The following TTC13 variants were observed in gnomAD, a reference collection of about 807,000 sequenced individuals.
TTC13 encodes the protein tetratricopeptide repeat domain 13.
A neutral mutation model predicts 120.0 loss-of-function variants in TTC13; 62 were observed. That is an observed-to-expected ratio of 0.52 (90% CI 0.42 to 0.64). The LOEUF (loss-of-function observed/expected upper bound fraction) is 0.64. TTC13 is among the 30% of genes least tolerant of loss of function. The pLI, the probability that TTC13 is intolerant of heterozygous loss-of-function variation, is 0.00. For synonymous variants in TTC13, 384 were observed against 393.5 expected (o/e 0.98, Z 0.28); for missense variants, 824 against 1,050.2 (o/e 0.78, Z 2.98).
chr1:230,959,145 G>A (rs533993715), intron 2 of TTC13, among the ~76,000 whole-genome samples: 9 of 152,268 alleles, frequency 5.9e-5, no homozygotes, highest in African/African-American at 2.2e-4. Flanking sequence ...CAAGTAAATT[G>A]CTTAGAGGCA....
Position 230,906,885 on chromosome 1 carries a change from G to A in TTC13, c.*20C>T, listed in dbSNP as rs778076825. 2.3e-6 allele frequency: 3 copies of A among 1,298,388 alleles called. No homozygotes were observed. Among genetic ancestry groups the A allele is most frequent in the South Asian group, 3.2e-5 (2 of 61,786 alleles). 80.4% of individuals were successfully genotyped at this position (1,298,388 alleles called of 1,614,324 possible). A position where few individuals can be genotyped will look rare whatever the true frequency, so the allele number is the denominator to read the frequency against. ...AAGCAAGAGGTCCGGCCCTTTACTT[G>A]TATAAATACAGCAGCAGAACTAGAG... On this transcript the variant is annotated 3_prime_UTR_variant, in exon 23 of 23. Coordinates refer to ENST00000366661, the MANE Select transcript of TTC13 (RefSeq NM_024525.5).
chr1:230,919,185 G>A (rs557766211), intron 17 of TTC13, among the ~76,000 whole-genome samples: 1 of 151,128 alleles, frequency 6.6e-6, no homozygotes, highest in South Asian at 2.1e-4. Flanking sequence ...CTAGCTTTTT[G>A]TTTGTTTGTT....
intron 4 of TTC13, among the ~76,000 whole-genome samples, chr1:230,949,945 G>A (rs995733768): frequency 2.7e-4 from 41 of 152,118 alleles, no homozygotes; most frequent in Admixed American, 2.6e-3. Flanking sequence ...CACCACGCCC[G>A]GCCCAATTTA....
intron 12 of TTC13, among the ~76,000 whole-genome samples, chr1:230,926,396 C>CA (rs1289922163): frequency 6.6e-6 from 1 of 152,070 alleles, no homozygotes; most frequent in Non-Finnish European, 1.5e-5. Context: ...AAAATGCTGC[C>CA]AACCAGGAAA....
At chr1:230,947,289 CA>C (rs1343622891) in intron 4 of TTC13, among the ~76,000 whole-genome samples, 5 of 151,722 alleles carry the variant, frequency 3.3e-5, no homozygotes, top group African/African-American at 9.7e-5. Context: ...ATACAGGTGT[CA>C]GGGGGAAAAG....
At chr1:230,956,103 T>C (rs996841191) in intron 3 of TTC13, among the ~76,000 whole-genome samples, 1 of 152,252 alleles carries the variant, frequency 6.6e-6, no homozygotes, top group Admixed American at 6.5e-5. Flanking sequence ...GGTACAATTA[T>C]TAACCCCATT....
At position 230,942,154 on chromosome 1, in the gene TTC13, G is replaced by T. The variant is rs898507064; in HGVS notation, c.673-1598C>A. Among the ~76,000 whole-genome samples, 3 of 152,114 alleles carry T rather than the reference G, an allele frequency of 2.0e-5. No individual in the cohort carries two copies. The highest frequency in any genetic ancestry group is 7.2e-5 in the African/African-American group (3 of 41,420). ...TAGTTTTTTATTAGATATGCAAATT[G>T]TAAAGACCTGTTAAATAATTCTTAC... On this transcript the variant is annotated intron_variant, in intron 6 of 22. Transcript: ENST00000366661. This position sits in a 1 kb window ranked among gnomAD's most constrained non-coding sequence, Gnocchi z 4.0.
chr1:230,973,929 T>C (rs1678009361), intron 1 of TTC13, among the ~76,000 whole-genome samples: 1 of 151,744 alleles, frequency 6.6e-6, no homozygotes. Context: ...TACAAAAAAT[T>C]AGTCAGGCTT....
chr1:230,916,831 AAG>A (rs1414940914), intron 17 of TTC13, among the ~76,000 whole-genome samples: 2 of 152,230 alleles, frequency 1.3e-5, no homozygotes, highest in African/African-American at 2.4e-5. Flanking sequence ...GTTAAGTTAA[AAG>A]AATTACTCGG....
At position 230,948,196 on chromosome 1, in the gene TTC13, T is replaced by G. The variant is rs137860471; in HGVS notation, c.514-2742A>C. On this transcript the variant is annotated intron_variant, in intron 4 of 22. Coordinates refer to ENST00000366661, the MANE Select transcript of TTC13 (RefSeq NM_024525.5). ...CCAAATCACTGAAATACATTTTACA[T>G]TACAATCCAGTACACACATACACAT... Among the ~76,000 whole-genome samples, 339 of 152,268 alleles carry G rather than the reference T, an allele frequency of 2.2e-3. 3 individuals are homozygous for G. The highest frequency in any genetic ancestry group is 3.9e-3 in the Admixed American group (59 of 15,292).
intron 3 of TTC13, 94 bp from the exon 4 acceptor site, chr1:230,954,497 C>T: frequency 1.1e-6 from 1 of 929,692 alleles, no homozygotes; most frequent in Non-Finnish European, 1.6e-6. Flanking sequence ...CCAAAGGCAG[C>T]TCCAAGCACT....
intron 1 of TTC13, among the ~76,000 whole-genome samples, chr1:230,962,474 A>G (rs1438906624): frequency 6.6e-6 from 1 of 152,210 alleles, no homozygotes; most frequent in Non-Finnish European, 1.5e-5. Flanking sequence ...AGAATGTAGA[A>G]AAATTGGAAC....
chr1:230,976,202 C>T (rs956783368), intron 1 of TTC13, among the ~76,000 whole-genome samples: 2 of 152,148 alleles, frequency 1.3e-5, no homozygotes, highest in African/African-American at 2.4e-5. Flanking sequence ...AAAGCCAAGT[C>T]TGTATGATTC....
intron 4 of TTC13, among the ~76,000 whole-genome samples, chr1:230,954,004 GTGAAC>G (rs762598966): frequency 6.6e-6 from 1 of 152,200 alleles, no homozygotes; most frequent in Non-Finnish European, 1.5e-5. Context: ...AGAGAGGAAA[GTGAAC>G]TGAAGCTAAT....
intron 4 of TTC13, among the ~76,000 whole-genome samples, chr1:230,947,894 A>G (rs1675159752): frequency 6.6e-6 from 1 of 152,106 alleles, no homozygotes; most frequent in Non-Finnish European, 1.5e-5. Flanking sequence ...CCTGCTCTCC[A>G]GGTCACACAC....
intron 4 of TTC13, among the ~76,000 whole-genome samples, chr1:230,949,167 A>T (rs1189016054): frequency 6.6e-6 from 1 of 151,786 alleles, no homozygotes; most frequent in Admixed American, 6.6e-5. Context: ...ACCAACACAG[A>T]AGACAAAGAT....
intron 1 of TTC13, among the ~76,000 whole-genome samples, chr1:230,972,042 T>C (rs911328147): frequency 3.9e-5 from 6 of 152,212 alleles, no homozygotes; most frequent in Admixed American, 2.6e-4. Context: ...CTGAGAACAT[T>C]GCAAACACCA....
chr1:230,941,636 G>A (rs1674544195), intron 6 of TTC13, among the ~76,000 whole-genome samples: 1 of 152,048 alleles, frequency 6.6e-6, no homozygotes. Flanking sequence ...TATTTCTACC[G>A]AATTTTATAA....
intron 8 of TTC13, among the ~76,000 whole-genome samples, chr1:230,935,126 T>C (rs1270975603): frequency 1.3e-5 from 2 of 152,204 alleles, no homozygotes; most frequent in Non-Finnish European, 2.9e-5. Flanking sequence ...ATTTAAGAAA[T>C]GTTAAAGATC....
Sources: gnomAD v4.1 joint callset for allele counts (sites outside exome capture counted in the v4.1 genomes callset) on GRCh38, gnomAD v4.1.1 for gene constraint, Gnocchi (gnomAD v3.1) non-coding constraint, MANE v1.5 for transcripts, NCBI Gene and HGNC (gene_info 2026-07-23, HGNC 2026-07-21) for gene names.